NTNG1: variants seen among roughly 807,000 people sequenced by gnomAD.
NTNG1 encodes netrin-G1.
Under a neutral mutation model 54.0 loss-of-function variants are expected in NTNG1, and 16 were observed. The ratio of observed to expected loss-of-function variants is 0.30; its 90% confidence interval spans 0.20 to 0.45. The LOEUF (loss-of-function observed/expected upper bound fraction) is 0.45, where lower values mean the gene tolerates loss of function less well. NTNG1 is among the 20% of genes least tolerant of loss of function. The pLI is 1.00. For synonymous variants in NTNG1, 255 were observed against 263.1 expected, an observed-to-expected ratio of 0.97 and a Z score of 0.30; for missense variants, 530 against 678.7, an observed-to-expected ratio of 0.78 and a Z score of 2.43.
intron 3 of NTNG1, among the ~76,000 whole-genome samples, chr1:107,362,146 C>T (rs371247008): frequency 1.3e-5 from 2 of 152,162 alleles, no homozygotes; most frequent in Non-Finnish European, 2.9e-5. Context: ...ATTACCCCAA[C>T]CTCTACCCAT....
intron 2 of NTNG1, among the ~76,000 whole-genome samples, chr1:107,310,588 C>A (rs558235836): frequency 1.2e-4 from 18 of 151,936 alleles, no homozygotes; most frequent in Non-Finnish European, 2.5e-4. Context: ...ATAAAATATA[C>A]TTGTATTTTA....
At chr1:107,193,835 CT>C (rs549362268) in intron 2 of NTNG1, among the ~76,000 whole-genome samples, 15 of 151,974 alleles carry the variant, frequency 9.9e-5, no homozygotes, top group Admixed American at 2.6e-4. Flanking sequence ...TTCCTTCCTT[CT>C]TTTTTTCTTC....
intron 3 of NTNG1, among the ~76,000 whole-genome samples, chr1:107,344,227 T>A (rs1024863193): frequency 6.6e-6 from 1 of 152,188 alleles, no homozygotes; most frequent in African/African-American, 2.4e-5. Context: ...TTGGAAACAT[T>A]TACTAATTTA....
intron 2 of NTNG1, among the ~76,000 whole-genome samples, chr1:107,304,638 T>C (rs1016144134): frequency 1.3e-5 from 2 of 152,210 alleles, no homozygotes; most frequent in Admixed American, 1.3e-4. Flanking sequence ...TTGATATTAA[T>C]TTTCATGTAA....
At chr1:107,427,407 C>T (rs148838125) in intron 5 of NTNG1, among the ~76,000 whole-genome samples, 64 of 152,056 alleles carry the variant, frequency 4.2e-4, no homozygotes, top group African/African-American at 1.5e-3. Context: ...TAATATCATC[C>T]CTTCAGAAAC....
chr1:107,421,288 G>T, intron 5 of NTNG1: 1 of 532,210 alleles, frequency 1.9e-6, no homozygotes, highest in Non-Finnish European at 3.4e-6. Flanking sequence ...GCATCGAATA[G>T]TACTGAGAAT....
chr1:107,363,544 C>T, intron 3 of NTNG1, among the ~76,000 whole-genome samples: 1 of 152,092 alleles, frequency 6.6e-6, no homozygotes, highest in East Asian at 1.9e-4. Context: ...ATAATTATCC[C>T]ACTATTATTT....
At chr1:107,386,127 GTATGTATA>G (rs1671961519) in intron 3 of NTNG1, among the ~76,000 whole-genome samples, 1 of 136,968 alleles carries the variant, frequency 7.3e-6, no homozygotes, top group Non-Finnish European at 1.6e-5. Flanking sequence ...ATACTTATAT[GTATGTATA>G]TATATATATG....
intron 2 of NTNG1, among the ~76,000 whole-genome samples, chr1:107,218,318 C>G (rs1370706547): frequency 1.3e-5 from 2 of 152,070 alleles, no homozygotes; most frequent in African/African-American, 4.8e-5. Context: ...TTTTTCCATT[C>G]TTTTACCTTA....
intron 2 of NTNG1, among the ~76,000 whole-genome samples, chr1:107,219,594 A>G (rs1018835249): frequency 1.3e-5 from 2 of 152,176 alleles, no homozygotes; most frequent in African/African-American, 2.4e-5. Context: ...CTTCTGTCTC[A>G]TGGGATGCTC....
intron 2 of NTNG1, among the ~76,000 whole-genome samples, chr1:107,262,581 C>T (rs1474377397): frequency 6.6e-6 from 1 of 152,176 alleles, no homozygotes; most frequent in Non-Finnish European, 1.5e-5. Flanking sequence ...AGTCTGGCTG[C>T]AGCCCACATA....
intron 2 of NTNG1, among the ~76,000 whole-genome samples, chr1:107,233,113 T>C (rs1159413968): frequency 1.3e-5 from 2 of 152,188 alleles, no homozygotes; most frequent in Non-Finnish European, 2.9e-5. Flanking sequence ...AGTCCATCAA[T>C]ATGAGATTAT....
intron 3 of NTNG1, among the ~76,000 whole-genome samples, chr1:107,385,955 G>T (rs1243545680): frequency 1.3e-5 from 2 of 150,528 alleles, no homozygotes; most frequent in Non-Finnish European, 3.0e-5. Flanking sequence ...TCCATCAACA[G>T]TCACTCCCCA....
At chr1:107,212,110 T>C (rs1404670748) in intron 2 of NTNG1, among the ~76,000 whole-genome samples, 1 of 152,116 alleles carries the variant, frequency 6.6e-6, no homozygotes, top group African/African-American at 2.4e-5. Context: ...GGGGAAAGCA[T>C]TATATGAGAA....
chr1:107,167,289 A>G (rs976371260), intron 2 of NTNG1, among the ~76,000 whole-genome samples: 12 of 151,946 alleles, frequency 7.9e-5, no homozygotes, highest in Non-Finnish European at 1.6e-4. Flanking sequence ...GAAGAACTTT[A>G]TTTTAGAAGA....
At chr1:107,346,970 C>A (rs952088165) in intron 3 of NTNG1, among the ~76,000 whole-genome samples, 7 of 149,832 alleles carry the variant, frequency 4.7e-5, no homozygotes, top group Non-Finnish European at 8.8e-5. Context: ...GCAGAAGCAG[C>A]TACAGCATGT....
intron 5 of NTNG1, chr1:107,418,554 A>G: frequency 2.0e-6 from 3 of 1,533,708 alleles, no homozygotes; most frequent in Non-Finnish European, 2.7e-6. Context: ...AAAATAACAT[A>G]CCCTGATTTT....
chr1:107,376,415 A>AAAT (rs1553235211), intron 3 of NTNG1, among the ~76,000 whole-genome samples: 3 of 4,426 alleles, frequency 6.8e-4, no homozygotes, highest in Non-Finnish European at 3.6e-3. Flanking sequence ...CTCAAAACAA[A>AAAT]ACAAAAAAAA....
chr1:107,284,434 A>G (rs148651749), intron 2 of NTNG1, among the ~76,000 whole-genome samples: 11 of 152,250 alleles, frequency 7.2e-5, no homozygotes, highest in African/African-American at 1.7e-4. Context: ...TGTTGTATAT[A>G]TGCAATAATG....
Sources: allele counts gnomAD v4.1 joint callset (sites outside exome capture counted in the v4.1 genomes callset), GRCh38; gene constraint gnomAD v4.1.1; transcripts MANE v1.5; gene names NCBI Gene and HGNC (gene_info 2026-07-23, HGNC 2026-07-21).